ADAMTS16: variants seen among roughly 807,000 people sequenced by gnomAD.
The protein encoded by ADAMTS16 is A disintegrin and metalloproteinase with thrombospondin motifs 16.
A neutral mutation model predicts 145.8 loss-of-function variants in ADAMTS16; 94 were observed. The observed-to-expected ratio is 0.64, with a 90% confidence interval of 0.55 to 0.77. The LOEUF is 0.77. Among genes scored for constraint, ADAMTS16 ranks in the 30% least tolerant of loss-of-function variants. ADAMTS16 has a pLI of 0.00. For synonymous variants in ADAMTS16, 659 were observed against 604.3 expected (o/e 1.09, Z -1.33); for missense variants, 1,585 against 1,591.5 (o/e 1.00, Z 0.07).
chr5:5,241,084 C>T (rs1579335025), intron 16 of ADAMTS16, among the ~76,000 whole-genome samples: 1 of 152,162 alleles, frequency 6.6e-6, no homozygotes, highest in Non-Finnish European at 1.5e-5. Flanking sequence ...TGTCCCACAA[C>T]ATCAGCACCA....
At position 5,303,783 on chromosome 5, in the gene ADAMTS16, CGCGGGA is replaced by C; in HGVS notation, c.3186+21_3186+26del. 6.2e-7 allele frequency: 1 copy of C among 1,610,026 alleles called. No individual in the cohort carries two copies. ...TGGTCCCAGGTAGGTGCACTGGTCT[CGCGGGA>C]GCGAGGTTGACTAGCTCTCCCCTCG... On this transcript the variant is annotated intron_variant, in intron 20 of 22. Coordinates refer to ENST00000274181, the MANE Select transcript of ADAMTS16 (RefSeq NM_139056.4).
chr5:5,188,830 G>C (rs1017217974), intron 6 of ADAMTS16, among the ~76,000 whole-genome samples: 1 of 152,140 alleles, frequency 6.6e-6, no homozygotes, highest in Non-Finnish European at 1.5e-5. Flanking sequence ...TGCGCAGTTG[G>C]GGAGGGGGTT....
At chr5:5,198,375 C>T (rs1376335135) in intron 8 of ADAMTS16, among the ~76,000 whole-genome samples, 1 of 152,204 alleles carries the variant, frequency 6.6e-6, no homozygotes, top group Admixed American at 6.5e-5. Flanking sequence ...AAAATGACTA[C>T]ATCTACATCA....
chr5:5,208,828 A>G (rs918550251), intron 9 of ADAMTS16, among the ~76,000 whole-genome samples: 8 of 152,210 alleles, frequency 5.3e-5, no homozygotes, highest in Admixed American at 2.6e-4. Flanking sequence ...ACTTTTCCTC[A>G]TGATAAGTTT....
At chr5:5,179,286 G>T (rs1735275545) in intron 3 of ADAMTS16, among the ~76,000 whole-genome samples, 2 of 151,964 alleles carry the variant, frequency 1.3e-5, no homozygotes, top group East Asian at 1.9e-4. Context: ...GCAACCTGCA[G>T]GGGAGATGCT....
At chr5:5,281,534 G>A (rs2126472252) in intron 18 of ADAMTS16, among the ~76,000 whole-genome samples, 1 of 152,340 alleles carries the variant, frequency 6.6e-6, no homozygotes, top group East Asian at 1.9e-4. Context: ...AATATAATGT[G>A]TAACAGCAAC....
chr5:5,177,806 T>C (rs1401785834), intron 3 of ADAMTS16, among the ~76,000 whole-genome samples: 1 of 152,156 alleles, frequency 6.6e-6, no homozygotes. Flanking sequence ...TTAAAATGCA[T>C]CTTTCTTATA....
At chr5:5,204,842 T>G (rs1453566573) in intron 9 of ADAMTS16, among the ~76,000 whole-genome samples, 3 of 152,198 alleles carry the variant, frequency 2.0e-5, no homozygotes, top group Non-Finnish European at 4.4e-5. Context: ...ACTAATCAGC[T>G]TTCCTAAGTA....
intron 18 of ADAMTS16, among the ~76,000 whole-genome samples, chr5:5,279,940 TTC>T (rs1738838861): frequency 1.3e-5 from 2 of 149,032 alleles, no homozygotes; most frequent in South Asian, 2.2e-4. Context: ...CTTTCTTTCT[TTC>T]TTTTTCCTTC....
intron 3 of ADAMTS16, among the ~76,000 whole-genome samples, chr5:5,178,327 C>T (rs1296196737): frequency 3.9e-5 from 6 of 152,208 alleles, no homozygotes; most frequent in African/African-American, 1.4e-4. Flanking sequence ...TTTCTGAGGC[C>T]TGGTTAATAA....
chr5:5,272,280 G>T (rs748673328), intron 18 of ADAMTS16, among the ~76,000 whole-genome samples: 3 of 151,846 alleles, frequency 2.0e-5, no homozygotes, highest in African/African-American at 7.3e-5. Context: ...TGAGACCTGC[G>T]CAGCCTCCAG....
At position 5,239,771 on chromosome 5, in the gene ADAMTS16, A is replaced by T; in HGVS notation, c.2369A>T (p.Asn790Ile). Reference protein sequence around the residue: ...NVSTSYISVRNALRRYYLNGH... With the variant: ...NVSTSYISVRIALRRYYLNGH... ...TCTACCTCCTACATTTCTGTGCGCAATGCCCTCAGAAGGTACTACCTGAAT... is the reference window on the plus strand; with the variant it reads ...TCTACCTCCTACATTTCTGTGCGCATTGCCCTCAGAAGGTACTACCTGAAT... Residue 790 changes from asparagine (N) to isoleucine (I), a missense_variant, in exon 16 of 23, where the codon AAT becomes ATT. Around this residue, in one of 3 missense-constraint regions of ADAMTS16, gnomAD observed 834 missense variants for 811.7 expected, o/e 1.03. Transcript: ENST00000274181. 1.2e-6 allele frequency: 2 copies of T among 1,614,108 alleles called. No homozygotes were observed. The highest frequency in any genetic ancestry group is 1.7e-6 in the Non-Finnish European group (2 of 1,180,016).
chr5:5,143,454 G>T (rs1330661595), intron 2 of ADAMTS16, among the ~76,000 whole-genome samples: 1 of 152,184 alleles, frequency 6.6e-6, no homozygotes, highest in Admixed American at 6.5e-5. Context: ...ATTTAGAATG[G>T]CAATCTTTAA....
At chr5:5,304,491 G>A (rs72726039) in intron 20 of ADAMTS16, among the ~76,000 whole-genome samples, 1 of 152,038 alleles carries the variant, frequency 6.6e-6, no homozygotes, top group African/African-American at 2.4e-5. Flanking sequence ...GGGGTATTGA[G>A]AGATCACCGT....
At chr5:5,241,281 A>T (rs1737283714) in intron 16 of ADAMTS16, among the ~76,000 whole-genome samples, 1 of 152,210 alleles carries the variant, frequency 6.6e-6, no homozygotes, top group African/African-American at 2.4e-5. Context: ...AGATTCAAGG[A>T]TCTAATACAT....
chr5:5,268,415 C>T (rs570331909), intron 18 of ADAMTS16, among the ~76,000 whole-genome samples: 93 of 152,312 alleles, frequency 6.1e-4, no homozygotes, highest in Admixed American at 3.0e-3. Flanking sequence ...ATCAGACGCT[C>T]GGTCACCACA....
At chr5:5,287,867 C>T (rs1414300599) in intron 18 of ADAMTS16, among the ~76,000 whole-genome samples, 3 of 152,136 alleles carry the variant, frequency 2.0e-5, no homozygotes, top group South Asian at 2.1e-4. Context: ...TCACAGCCCA[C>T]GCACTGGTGG....
At chr5:5,182,591 C>T (rs938590232) in intron 4 of ADAMTS16, among the ~76,000 whole-genome samples, 7 of 152,150 alleles carry the variant, frequency 4.6e-5, no homozygotes, top group African/African-American at 7.2e-5. Context: ...ATCTACCAGA[C>T]ATCTTCAAAA....
Position 5,222,812 on chromosome 5 carries a change from C to T in ADAMTS16, c.1629C>T (p.Cys543=). The T allele has an allele frequency of 6.2e-7, 1 of 1,614,020 alleles. No individual in the cohort carries two copies. Among genetic ancestry groups the T allele is most frequent in the Non-Finnish European group, 8.5e-7 (1 of 1,179,940 alleles). The change falls in exon 11 of 23, where the codon TGC becomes TGT. Residue 543 remains cysteine, a synonymous_variant. Coordinates refer to ENST00000274181, the MANE Select transcript of ADAMTS16 (RefSeq NM_139056.4). ...AGGACATCTGTAAAGCCCTGTGGTGCCATCGTATTGGAAGGAAATGTGAGA... is the reference window on the plus strand; with the variant it reads ...AGGACATCTGTAAAGCCCTGTGGTGTCATCGTATTGGAAGGAAATGTGAGA... ...FKKDICKALW[C]HRIGRKCETK...
Sources: allele counts gnomAD v4.1 joint callset (sites outside exome capture counted in the v4.1 genomes callset), GRCh38; gene constraint gnomAD v4.1.1; regional missense constraint gnomAD v4.1.1; transcripts MANE v1.5; gene names NCBI Gene and HGNC (gene_info 2026-07-23, HGNC 2026-07-21).